Variants in MEGF6 observed in about 807,000 individuals in gnomAD.
The protein encoded by MEGF6 is multiple EGF like domains 6, also known as multiple epidermal growth factor-like domains protein 6.
In MEGF6, 184 loss-of-function variants were observed where a neutral mutation model predicts 207.1. That is an observed-to-expected ratio of 0.89 (90% CI 0.79 to 1.00). The LOEUF (loss-of-function observed/expected upper bound fraction) is 1.00, where lower values mean the gene tolerates loss of function less well. Among genes scored for constraint, MEGF6 ranks in the 50% least tolerant of loss-of-function variants. The pLI is 0.00. For synonymous variants in MEGF6, 1,038 were observed against 910.0 expected, an observed-to-expected ratio of 1.14 and a Z score of -2.53; for missense variants, 2,282 against 2,202.9, an observed-to-expected ratio of 1.04 and a Z score of -0.72.
chr1:3,508,622 G>T lies in MEGF6; in HGVS notation c.1596C>A (p.Thr532=). The change falls in exon 13 of 37, where the codon ACC becomes ACA. Residue 532 remains threonine, a synonymous_variant. Transcript: ENST00000356575. The stretch of plus-strand genomic sequence containing the variant: ...CACAGCCATCCAGGCCCAGGAGGCA[G>T]GTCCCTCCGTTCCTGCAGTCATCAC... ...LTCDDCRNGG[T]CLLGLDGCDC... The T allele has an allele frequency of 6.2e-7, 1 of 1,613,548 alleles. No individual in the cohort carries two copies.
Position 3,499,197 on chromosome 1 carries a change from T to C in MEGF6, c.3035A>G (p.Asp1012Gly), listed in dbSNP as rs1640744590. 1.9e-6 allele frequency: 3 copies of C among 1,603,976 alleles called. No homozygotes were observed. The East Asian group carries it at 6.7e-5, about 36-fold the overall frequency. Residue 1012 changes from aspartate (D) to glycine (G), a missense_variant, in exon 24 of 37, where the codon GAC (aspartate) becomes GGC (glycine). Asp to Gly is a moderately conservative substitution (Grantham distance 94, BLOSUM62 -1). Transcript: ENST00000356575. Reference sequence around the variant, plus strand: ...ACAGTGGCACTGCCCGTGGACAGGGTCACAGGAGGCCCCGTTAAAGCAGGC... The same window carrying C: ...ACAGTGGCACTGCCCGTGGACAGGGCCACAGGAGGCCCCGTTAAAGCAGGC... The part of the protein sequence containing the change: ...ACACFNGASC[D>G]PVHGQCHCAP...
chr1:3,519,047 G>A (rs867359449), intron 5 of MEGF6, among the ~76,000 whole-genome samples: 9 of 152,274 alleles, frequency 5.9e-5, no homozygotes, highest in African/African-American at 2.2e-4. Context: ...GCAAACAATG[G>A]CCCTTCAGCA....
chr1:3,615,309 T>C (rs1169804576), upstream of MEGF6, among the ~76,000 whole-genome samples: 1 of 152,198 alleles, frequency 6.6e-6, no homozygotes, highest in African/African-American at 2.4e-5. Flanking sequence ...GCTGCAGAGA[T>C]TGTTGCAGGG....
At chr1:3,597,501 C>T (rs1325401511) in intron 2 of MEGF6, among the ~76,000 whole-genome samples, 2 of 152,226 alleles carry the variant, frequency 1.3e-5, no homozygotes. Flanking sequence ...CGGCTGTGAC[C>T]TTACTTCTTG....
rs770304522 is a variant in MEGF6 at position 3,498,456 on chromosome 1, G to A, written c.3267C>T (p.Gly1089=). Residue 1089 remains glycine (G), a synonymous_variant, in exon 26 of 37, where the codon GGC becomes GGT. Coordinates refer to ENST00000356575, the MANE Select transcript of MEGF6 (RefSeq NM_001409.4). The part of the protein sequence containing the change: ...RDVRAGCRHS[G]GCLNGGLCDP... Reference sequence around the variant, plus strand: ...CACACAGGCCCCCGTTGAGGCAACCGCCGCTGTGCCGGCAGCCAGCTCTGA... The same window carrying A: ...CACACAGGCCCCCGTTGAGGCAACCACCGCTGTGCCGGCAGCCAGCTCTGA... 7.0e-6 allele frequency: 11 copies of A among 1,582,286 alleles called. No homozygotes were observed. Among genetic ancestry groups the A allele is most frequent in the African/African-American group, 6.7e-5 (5 of 74,328 alleles).
At position 3,573,860 on chromosome 1, in the gene MEGF6, G is replaced by A. The variant is rs979529671; in HGVS notation, c.481+5965C>T. On this transcript the variant is annotated intron_variant, in intron 4 of 36. Transcript: ENST00000356575. This position sits in a 1 kb window ranked among gnomAD's most constrained non-coding sequence, Gnocchi z 5.1. ...GGGCAGCATTGAAAGGCAGTGGGGA[G>A]GGCCGCTTCCTCTCCATTAATCAAT... Among the ~76,000 whole-genome samples the A allele has an allele frequency of 6.6e-6, 1 of 152,174 alleles. No individual in the cohort carries two copies. Among genetic ancestry groups the A allele is most frequent in the African/African-American group, 2.4e-5 (1 of 41,450 alleles).
At chr1:3,502,280 C>T (rs979025501) in intron 17 of MEGF6, among the ~76,000 whole-genome samples, 2 of 152,032 alleles carry the variant, frequency 1.3e-5, no homozygotes, top group Admixed American at 6.5e-5. Flanking sequence ...GCAGATCCCT[C>T]GGCCATCCAG....
intron 34 of MEGF6, chr1:3,493,202 G>T (rs1158757811): frequency 4.4e-6 from 1 of 226,280 alleles, no homozygotes; most frequent in Non-Finnish European, 8.9e-6. Flanking sequence ...CTATCCTCAG[G>T]TGAGCCCCTC....
chr1:3,559,867 T>C (rs1208242088), intron 4 of MEGF6, among the ~76,000 whole-genome samples: 1 of 151,842 alleles, frequency 6.6e-6, no homozygotes, highest in African/African-American at 2.4e-5. Flanking sequence ...AAAAATTAGC[T>C]GGGCATGGTG....
chr1:3,621,298 G>A, the MEGF6 span, among the ~76,000 whole-genome samples: 3,809 of 152,294 alleles, frequency 0.025, 157 homozygotes, highest in African/African-American at 0.084. Flanking sequence ...GGTAACAGGC[G>A]TCTTCCCAGA....
At chr1:3,519,525 C>T (rs1570033712) in intron 5 of MEGF6, among the ~76,000 whole-genome samples, 1 of 152,264 alleles carries the variant, frequency 6.6e-6, no homozygotes, top group East Asian at 1.9e-4. Context: ...GGGGAGGCCC[C>T]GACCCAGGGC....
At chr1:3,507,178 C>A (rs10797397) in intron 14 of MEGF6, among the ~76,000 whole-genome samples, 30,911 of 152,212 alleles carry the variant, frequency 0.2, 3,765 homozygotes, top group East Asian at 0.44. Flanking sequence ...GCTCACGGGG[C>A]CACCTGGGGG....
At chr1:3,538,306 G>C (rs757310983) in intron 4 of MEGF6, among the ~76,000 whole-genome samples, 1 of 150,948 alleles carries the variant, frequency 6.6e-6, no homozygotes, top group Non-Finnish European at 1.5e-5. Context: ...CCACCACAGA[G>C]CTTCTATCAG....
rs1230276856 is a variant in MEGF6, at chr1:3,499,353, C to T, written c.2966-87G>A. ...ATCACAGCCAGCTGGGCAGATCTGC[C>T]GGGGTCCCCTCGGCTGCTATGGCCA... On this transcript the variant is annotated intron_variant, in intron 23 of 36. Transcript: ENST00000356575. The T allele has an allele frequency of 4.0e-5, 59 of 1,489,890 alleles. No individual in the cohort carries two copies. In the East Asian group the frequency reaches 1.3e-3, roughly 32 times the overall value. 92.3% of individuals were successfully genotyped at this position (1,489,890 alleles called of 1,614,324 possible).
chr1:3,549,866 A>G (rs1366214152), intron 4 of MEGF6, among the ~76,000 whole-genome samples: 2 of 152,220 alleles, frequency 1.3e-5, no homozygotes, highest in East Asian at 3.8e-4. Flanking sequence ...AGCTTCTCCC[A>G]GGGATGATCC....
At chr1:3,577,576 T>C (rs892271996) in intron 4 of MEGF6, among the ~76,000 whole-genome samples, 4 of 152,104 alleles carry the variant, frequency 2.6e-5, no homozygotes, top group Admixed American at 2.6e-4. Context: ...AGGAGGGAGC[T>C]CCCAGCCTCC....
At chr1:3,502,254 C>T (rs1018685247) in intron 17 of MEGF6, among the ~76,000 whole-genome samples, 1 of 151,834 alleles carries the variant, frequency 6.6e-6, no homozygotes, top group East Asian at 1.9e-4. Context: ...GCTGGGGCAG[C>T]GTGGGAGAGG....
At chr1:3,616,903 A>C in the MEGF6 span, among the ~76,000 whole-genome samples, 1 of 152,090 alleles carries the variant, frequency 6.6e-6, no homozygotes, top group African/African-American at 2.4e-5. Flanking sequence ...TGTCCTCCTG[A>C]ATGACAATGG....
At chr1:3,510,566 A>G (rs1570001735) in intron 10 of MEGF6, among the ~76,000 whole-genome samples, 1 of 150,080 alleles carries the variant, frequency 6.7e-6, no homozygotes, top group East Asian at 2.0e-4. Flanking sequence ...GGGCTCAACC[A>G]ACACCCACAG....
Sources: allele counts gnomAD v4.1 joint callset (sites outside exome capture counted in the v4.1 genomes callset), GRCh38; gene constraint gnomAD v4.1.1; non-coding constraint Gnocchi (gnomAD v3.1); transcripts MANE v1.5; gene names NCBI Gene and HGNC (gene_info 2026-07-23, HGNC 2026-07-21).